CRPPA: variants seen among roughly 807,000 people sequenced by gnomAD.
CRPPA encodes D-ribitol-5-phosphate cytidylyltransferase.
CRPPA carries 43 observed loss-of-function variants against 52.0 expected under a neutral mutation model. That is an observed-to-expected ratio of 0.83 (90% CI 0.65 to 1.07). CRPPA has a LOEUF of 1.07. CRPPA is among the 50% of genes least tolerant of loss of function. The pLI, the probability that CRPPA is intolerant of heterozygous loss-of-function variation, is 0.00. For missense variants in CRPPA, 629 were observed against 551.7 expected (o/e 1.14, Z -1.40); for synonymous variants, 250 against 203.5 (o/e 1.23, Z -1.94).
intron 8 of CRPPA, among the ~76,000 whole-genome samples, chr7:16,218,023 G>GAAGGA (rs1348361435): frequency 6.6e-6 from 1 of 151,518 alleles, no homozygotes; most frequent in East Asian, 1.9e-4. Context: ...AGGAAAAAAT[G>GAAGGA]TTAAGGGCAG....
intron 3 of CRPPA, among the ~76,000 whole-genome samples, chr7:16,319,926 C>T (rs1054040298): frequency 6.6e-6 from 1 of 152,138 alleles, no homozygotes; most frequent in Non-Finnish European, 1.5e-5. Context: ...CCCTTCATTC[C>T]GTTCCAGAGG....
At chr7:16,183,951 T>C (rs961873815) in intron 9 of CRPPA, among the ~76,000 whole-genome samples, 1 of 152,028 alleles carries the variant, frequency 6.6e-6, no homozygotes, top group Non-Finnish European at 1.5e-5. Flanking sequence ...AGTTTTTTTG[T>C]TTGTTTTTGA....
intron 8 of CRPPA, among the ~76,000 whole-genome samples, chr7:16,223,643 G>A (rs4721481): frequency 0.014 from 2,160 of 152,088 alleles, 48 homozygotes; most frequent in African/African-American, 0.049. Flanking sequence ...CAACTACTTA[G>A]GTGTTCTAGG....
At chr7:16,239,834 T>C (rs865919712) in intron 8 of CRPPA, among the ~76,000 whole-genome samples, 1 of 152,070 alleles carries the variant, frequency 6.6e-6, no homozygotes, top group African/African-American at 2.4e-5. Flanking sequence ...AATAGGGAAA[T>C]AAATAGCAAT....
At chr7:16,275,751 G>A (rs1470556483) in intron 6 of CRPPA, among the ~76,000 whole-genome samples, 3 of 151,964 alleles carry the variant, frequency 2.0e-5, no homozygotes, top group Admixed American at 6.6e-5. Context: ...AGGATCGCTT[G>A]AGCCCAGCAG....
intron 9 of CRPPA, among the ~76,000 whole-genome samples, chr7:16,099,784 G>C (rs1442233032): frequency 6.6e-6 from 1 of 152,150 alleles, no homozygotes; most frequent in Non-Finnish European, 1.5e-5. Context: ...CAATCATAAA[G>C]TAAATTCCAC....
At chr7:16,403,061 T>C (rs564003500) in intron 2 of CRPPA, among the ~76,000 whole-genome samples, 8 of 152,226 alleles carry the variant, frequency 5.3e-5, no homozygotes, top group Admixed American at 4.6e-4. Context: ...AGGATTACAA[T>C]TAGGTTGGTT....
intron 5 of CRPPA, among the ~76,000 whole-genome samples, chr7:16,292,029 C>T (rs778861537): frequency 3.3e-5 from 5 of 151,866 alleles, no homozygotes; most frequent in Non-Finnish European, 7.4e-5. Context: ...TTACATGCCT[C>T]CCTAATCACG....
At chr7:16,367,318 C>A (rs928444635) in intron 3 of CRPPA, among the ~76,000 whole-genome samples, 9 of 152,052 alleles carry the variant, frequency 5.9e-5, no homozygotes, top group Non-Finnish European at 8.8e-5. Flanking sequence ...CAGGCACAAC[C>A]GAACAACTAA....
At chr7:16,173,097 C>A (rs543956400) in intron 9 of CRPPA, among the ~76,000 whole-genome samples, 1 of 152,138 alleles carries the variant, frequency 6.6e-6, no homozygotes, top group African/African-American at 2.4e-5. Flanking sequence ...TTATCAAGGT[C>A]GTTTCATGTA....
At chr7:16,171,175 C>CATT (rs534510723) in intron 9 of CRPPA, among the ~76,000 whole-genome samples, 43 of 152,340 alleles carry the variant, frequency 2.8e-4, no homozygotes, top group Admixed American at 7.8e-4. Flanking sequence ...GGCAGAAAGA[C>CATT]ATTATTTTTA....
chr7:16,331,377 C>T (rs377461512), intron 3 of CRPPA, among the ~76,000 whole-genome samples: 3 of 152,144 alleles, frequency 2.0e-5, no homozygotes, highest in African/African-American at 7.2e-5. Context: ...TTCCCGCCCC[C>T]ACACCTTGCC....
At chr7:16,419,613 G>C (rs1304253737) in intron 1 of CRPPA, among the ~76,000 whole-genome samples, 1 of 152,044 alleles carries the variant, frequency 6.6e-6, no homozygotes, top group African/African-American at 2.4e-5. Context: ...CCTAAGATCA[G>C]TGCTTGAGAT....
In CRPPA at chr7:16,175,017, A is replaced by T. The variant is rs948989155; in HGVS notation, c.1251+41049T>A. 3.9e-5 allele frequency among the ~76,000 whole-genome samples: 6 copies of T among 152,316 alleles called. No individual in the cohort carries two copies. The South Asian group carries it at 6.2e-4, about 16-fold the overall frequency. ...GTAAGATTTTGTTGGTTTTTGAGCAACATCTGGAAATTCGTCATAGTTATA... is the reference window on the plus strand; with the variant it reads ...GTAAGATTTTGTTGGTTTTTGAGCATCATCTGGAAATTCGTCATAGTTATA... On this transcript the variant is annotated intron_variant, in intron 9 of 9. Coordinates refer to ENST00000407010, the MANE Select transcript of CRPPA (RefSeq NM_001101426.4).
chr7:16,389,925 AAAAATATAT>A (rs1330950088), intron 2 of CRPPA, among the ~76,000 whole-genome samples: 7 of 72,356 alleles, frequency 9.7e-5, no homozygotes, highest in African/African-American at 1.6e-4. Context: ...AAAAAAAAAA[AAAAATATAT>A]ATATATATAT....
chr7:16,101,886 G>A (rs190641652), intron 9 of CRPPA, among the ~76,000 whole-genome samples: 160 of 152,212 alleles, frequency 1.1e-3, no homozygotes, highest in Middle Eastern at 6.8e-3. Flanking sequence ...ATTGCCCAAC[G>A]TAATTTATAG....
intron 4 of CRPPA, among the ~76,000 whole-genome samples, chr7:16,302,447 C>T (rs1309484253): frequency 6.6e-6 from 1 of 152,062 alleles, no homozygotes; most frequent in African/African-American, 2.4e-5. Flanking sequence ...AATGTAAGTG[C>T]ATTGTGTTGC....
intron 1 of CRPPA, among the ~76,000 whole-genome samples, chr7:16,416,546 G>C (rs942556520): frequency 6.6e-6 from 1 of 152,128 alleles, no homozygotes; most frequent in Admixed American, 6.5e-5. Context: ...AACAGCTTCT[G>C]CACAGCAGCC....
intron 9 of CRPPA, among the ~76,000 whole-genome samples, chr7:16,211,487 T>G (rs1025489946): frequency 6.6e-6 from 1 of 152,202 alleles, no homozygotes. Context: ...GAAAGTTTTG[T>G]GTGTTTAGTA....
Sources: gnomAD v4.1 joint callset for allele counts (sites outside exome capture counted in the v4.1 genomes callset) on GRCh38, gnomAD v4.1.1 for gene constraint, MANE v1.5 for transcripts, NCBI Gene and HGNC (gene_info 2026-07-23, HGNC 2026-07-21) for gene names.